Variants in ERRFI1 observed in about 807,000 individuals in gnomAD.
ERRFI1 encodes mitogen-inducible gene 6 protein.
Under a neutral mutation model 14.6 loss-of-function variants are expected in ERRFI1, and 12 were observed. The ratio of observed to expected loss-of-function variants is 0.82; its 90% confidence interval spans 0.53 to 1.33. The LOEUF (loss-of-function observed/expected upper bound fraction) is 1.33, where lower values mean the gene tolerates loss of function less well. Among genes scored for constraint, ERRFI1 ranks in the 40% most tolerant of loss-of-function variants. The pLI is 0.00. For missense variants in ERRFI1, 482 were observed against 572.1 expected, an observed-to-expected ratio of 0.84 and a Z score of 1.61; for synonymous variants, 202 against 209.9, an observed-to-expected ratio of 0.96 and a Z score of 0.32.
rs766752153 is a variant in ERRFI1, at chr1:8,013,618, C to T, written c.981G>A (p.Pro327=). Residue 327 remains proline, a synonymous_variant, in exon 4 of 4, where the codon CCG becomes CCA. Transcript: ENST00000377482. The surrounding 1 kb of genome is among the most constrained non-coding windows in gnomAD (Gnocchi z 4.3). ...PKVPPREPLS[P]SNSRTPSPKS... ...TGGGACTCGGTGTGCGCGAGTTACTCGGTGACAAAGGTTCTCTTGGCGGTA... is the reference window on the plus strand; with the variant it reads ...TGGGACTCGGTGTGCGCGAGTTACTTGGTGACAAAGGTTCTCTTGGCGGTA... 5 of 1,614,066 alleles carry T rather than the reference C, an allele frequency of 3.1e-6. No individual in the cohort carries two copies. Among genetic ancestry groups the T allele is most frequent in the Middle Eastern group, 1.6e-4 (1 of 6,062 alleles).
intron 1 of ERRFI1, among the ~76,000 whole-genome samples, chr1:8,016,678 G>T (rs115319278): frequency 6.6e-6 from 1 of 152,010 alleles, no homozygotes; most frequent in Non-Finnish European, 1.5e-5. Context: ...ATAAGTTTAG[G>T]TTTTTTTCCT....
intron 1 of ERRFI1, among the ~76,000 whole-genome samples, chr1:8,023,380 C>A (rs1641299742): frequency 6.6e-6 from 1 of 152,182 alleles, no homozygotes; most frequent in African/African-American, 2.4e-5. Context: ...CAGGCTCAAG[C>A]AATCCTCCCA....
intron 1 of ERRFI1, among the ~76,000 whole-genome samples, chr1:8,025,521 T>C (rs78305758): frequency 6.6e-4 from 101 of 152,250 alleles, no homozygotes; most frequent in African/African-American, 2.2e-3. Flanking sequence ...GCTGTGAGAT[T>C]AGGCAGAGGG....
rs572558698 is a variant in ERRFI1 at position 8,025,766 on chromosome 1, G to A, written c.-74+392C>T. Among the ~76,000 whole-genome samples the A allele has an allele frequency of 3.2e-4, 48 of 152,136 alleles. 1 individual carries two copies. The East Asian group carries it at 9.3e-3, about 29-fold the overall frequency. Reference sequence around the variant, plus strand: ...GAGGACCTTCATGCTCGCCGCTCCCGAACCCCCGTCCGCTCCTGCGGTCCC... The same window carrying A: ...GAGGACCTTCATGCTCGCCGCTCCCAAACCCCCGTCCGCTCCTGCGGTCCC... On this transcript the variant is annotated intron_variant, in intron 1 of 3. Coordinates refer to ENST00000377482, the MANE Select transcript of ERRFI1 (RefSeq NM_018948.4).
At chr1:8,020,476 C>A (rs1287389162) in intron 1 of ERRFI1, among the ~76,000 whole-genome samples, 3 of 151,950 alleles carry the variant, frequency 2.0e-5, no homozygotes, top group East Asian at 1.9e-4. Flanking sequence ...CCAATCTCTG[C>A]ATGTTTATTT....
At chr1:8,014,677 G>T in intron 3 of ERRFI1, 1 of 410,530 alleles carries the variant, frequency 2.4e-6, no homozygotes, top group South Asian at 5.6e-5. Context: ...TTTGTGACGT[G>T]TGTAAAATTC....
chr1:8,015,834 C>T (rs370812), intron 1 of ERRFI1, 142 bp from the exon 2 acceptor site: 328,312 of 548,804 alleles, frequency 0.6, 101,927 homozygotes, highest in African/African-American at 0.85. Context: ...ACTTAATTCT[C>T]ACAGCTCGTG....
At position 8,013,318 on chromosome 1, in the gene ERRFI1, A is replaced by G. The variant is rs1641114340; in HGVS notation, c.1281T>C (p.Pro427=). 2 of 1,614,122 alleles carry G rather than the reference A, an allele frequency of 1.2e-6. No homozygotes were observed. The highest frequency in any genetic ancestry group is 2.2e-5 in the South Asian group (2 of 91,082). The change falls in exon 4 of 4, where the codon CCT becomes CCC. Residue 427 remains proline, a synonymous_variant. Coordinates refer to ENST00000377482, the MANE Select transcript of ERRFI1 (RefSeq NM_018948.4). This position sits in a 1 kb window ranked among gnomAD's most constrained non-coding sequence, Gnocchi z 4.3. ...TGGCTGAAGATATACCGCAGTCAGCAGGTAATGGCTGGATTTGGGCGCCTC... is the reference window on the plus strand; with the variant it reads ...TGGCTGAAGATATACCGCAGTCAGCGGGTAATGGCTGGATTTGGGCGCCTC... ...TNGGAQIQPL[P]ADCGISSATE... is the part of the protein sequence containing the mutation.
At chr1:8,019,770 T>C (rs1641250191) in intron 1 of ERRFI1, among the ~76,000 whole-genome samples, 1 of 152,286 alleles carries the variant, frequency 6.6e-6, no homozygotes, top group African/African-American at 2.4e-5. Flanking sequence ...TGAAATTCAT[T>C]TCCAGAATTC....
chr1:8,015,675 A>C lies in ERRFI1; in HGVS notation c.-56T>G. Reference sequence around the variant, plus strand: ...GTGAGGCCCAGGCACTTTAAAATCAACCAGTAGCTTTCATTCCCTGGGAGG... The same window carrying C: ...GTGAGGCCCAGGCACTTTAAAATCACCCAGTAGCTTTCATTCCCTGGGAGG... On this transcript the variant is annotated 5_prime_UTR_variant, in exon 2 of 4. Coordinates refer to ENST00000377482, the MANE Select transcript of ERRFI1 (RefSeq NM_018948.4). 1 of 1,608,414 alleles carries C rather than the reference A, an allele frequency of 6.2e-7. No individual in the cohort carries two copies. Among genetic ancestry groups the C allele is most frequent in the Non-Finnish European group, 8.5e-7 (1 of 1,176,494 alleles).
At chr1:8,024,368 C>T (rs1004124506) in intron 1 of ERRFI1, among the ~76,000 whole-genome samples, 5 of 152,162 alleles carry the variant, frequency 3.3e-5, no homozygotes, top group African/African-American at 1.2e-4. Context: ...ATAATTCAGG[C>T]ATTTCATAAC....
chr1:8,023,640 T>C (rs967414582), intron 1 of ERRFI1, among the ~76,000 whole-genome samples: 2 of 152,188 alleles, frequency 1.3e-5, no homozygotes, highest in Non-Finnish European at 2.9e-5. Context: ...TTTCGTAATA[T>C]TGCCCAATTT....
chr1:8,026,277 C>G lies in ERRFI1; in HGVS notation c.-193G>C, dbSNP rs943559810. 6.5e-6 allele frequency: 1 copy of G among 153,068 alleles called. No individual in the cohort carries two copies. The highest frequency in any genetic ancestry group is 1.5e-5 in the Non-Finnish European group (1 of 68,826). The allele number at this position is 153,068 out of a possible 1,614,324, so 9.5% of individuals were successfully genotyped here. ...GGCGCCTCTTGCTGGCTCGCGCTCC[C>G]GCTAGCACTCTGCCTCGCACCGGAC... On this transcript the variant is annotated 5_prime_UTR_variant, in exon 1 of 4. Coordinates refer to ENST00000377482, the MANE Select transcript of ERRFI1 (RefSeq NM_018948.4).
At chr1:8,019,883 T>TG (rs968301833) in intron 1 of ERRFI1, among the ~76,000 whole-genome samples, 3 of 151,956 alleles carry the variant, frequency 2.0e-5, no homozygotes, top group South Asian at 4.1e-4. Flanking sequence ...TTGAAGCAAT[T>TG]GGGGGGGTAC....
At chr1:8,022,858 G>A (rs1035533383) in intron 1 of ERRFI1, among the ~76,000 whole-genome samples, 1 of 152,206 alleles carries the variant, frequency 6.6e-6, no homozygotes, top group African/African-American at 2.4e-5. Flanking sequence ...GACACCATGT[G>A]AGGTGAAAAA....
At chr1:8,025,795 G>C (rs1317526208) in intron 1 of ERRFI1, among the ~76,000 whole-genome samples, 1 of 152,156 alleles carries the variant, frequency 6.6e-6, no homozygotes, top group African/African-American at 2.4e-5. Flanking sequence ...CGGTCCCGGT[G>C]CTGCGGGGAC....
chr1:8,022,084 T>A (rs1258021107), intron 1 of ERRFI1, among the ~76,000 whole-genome samples: 3 of 152,210 alleles, frequency 2.0e-5, no homozygotes, highest in Non-Finnish European at 4.4e-5. Context: ...CTATTAAAAG[T>A]TATTAATTGT....
Position 8,012,495 on chromosome 1 carries a change from C to T in ERRFI1, c.*715G>A. On this transcript the variant is annotated 3_prime_UTR_variant, in exon 4 of 4. Coordinates refer to ENST00000377482, the MANE Select transcript of ERRFI1 (RefSeq NM_018948.4). ...GAAAATTAGTCACTAGTTCTATTAT[C>T]GTTTTATTTTTCAAGATGTGTGACA... The T allele has an allele frequency of 4.4e-6, 1 of 227,160 alleles. No homozygotes were observed. The highest frequency in any genetic ancestry group is 8.8e-6 in the Non-Finnish European group (1 of 113,962). 14.1% of individuals were successfully genotyped at this position (227,160 alleles called of 1,614,324 possible).
At chr1:8,020,422 AG>A (rs1258943240) in intron 1 of ERRFI1, among the ~76,000 whole-genome samples, 1 of 152,240 alleles carries the variant, frequency 6.6e-6, no homozygotes, top group Non-Finnish European at 1.5e-5. Context: ...AAACTGATTT[AG>A]GAATATGACA....
Sources: allele counts gnomAD v4.1 joint callset (sites outside exome capture counted in the v4.1 genomes callset), GRCh38; gene constraint gnomAD v4.1.1; non-coding constraint Gnocchi (gnomAD v3.1); transcripts MANE v1.5; gene names NCBI Gene and HGNC (gene_info 2026-07-23, HGNC 2026-07-21).